SPAG16: variants seen among roughly 807,000 people sequenced by gnomAD.
SPAG16 encodes the protein sperm associated antigen 16.
In SPAG16, 86 loss-of-function variants were observed where a neutral mutation model predicts 80.4. The observed-to-expected ratio is 1.07, with a 90% CI of 0.90 to 1.28. The LOEUF (loss-of-function observed/expected upper bound fraction) is 1.28, where lower values mean the gene tolerates loss of function less well. Ranked by LOEUF, SPAG16 falls within the 50% of genes most tolerant of loss-of-function variation. SPAG16 has a pLI of 0.00. For missense variants in SPAG16, 870 were observed against 765.3 expected (o/e 1.14, Z -1.61); for synonymous variants, 294 against 265.9 (o/e 1.11, Z -1.03).
chr2:213,726,592 A>C (rs1018817265), intron 10 of SPAG16, among the ~76,000 whole-genome samples: 3 of 152,236 alleles, frequency 2.0e-5, no homozygotes, highest in Non-Finnish European at 4.4e-5. Context: ...GCCGGTTTCT[A>C]TCAGAAATGT....
intron 12 of SPAG16, among the ~76,000 whole-genome samples, chr2:213,979,292 A>T (rs1477739323): frequency 6.6e-6 from 1 of 152,064 alleles, no homozygotes; most frequent in Non-Finnish European, 1.5e-5. Flanking sequence ...TATACTTTAT[A>T]ATTCAGGAAT....
In SPAG16 at chr2:213,650,146, G is replaced by GA. The variant is rs1412276927; in HGVS notation, c.1070+160062dup. 1.6e-4 allele frequency among the ~76,000 whole-genome samples: 24 copies of GA among 152,140 alleles called. 1 individual carries two copies. The South Asian group carries it at 3.9e-3, about 25-fold the overall frequency. On this transcript the variant is annotated intron_variant, in intron 10 of 15. Transcript: ENST00000331683. Reference sequence around the variant, plus strand: ...TACTTCTGCCCTCAAAATCCTCTCTGAAAAAATATCTTTTGTAGCCTACCC... The same window carrying GA: ...TACTTCTGCCCTCAAAATCCTCTCTGAAAAAAATATCTTTTGTAGCCTACCC...
At chr2:214,110,146 T>G (rs1461773504) in intron 14 of SPAG16, among the ~76,000 whole-genome samples, 2 of 152,168 alleles carry the variant, frequency 1.3e-5, no homozygotes, top group Non-Finnish European at 2.9e-5. Context: ...AGCTAATTTT[T>G]TTTATTATTA....
chr2:213,578,642 C>T (rs919569767), intron 10 of SPAG16, among the ~76,000 whole-genome samples: 2 of 152,008 alleles, frequency 1.3e-5, no homozygotes, highest in South Asian at 2.1e-4. Context: ...CTCAAGGCAT[C>T]GCTTCTACAC....
intron 10 of SPAG16, among the ~76,000 whole-genome samples, chr2:213,662,782 G>A (rs901330430): frequency 6.6e-6 from 1 of 151,826 alleles, no homozygotes; most frequent in African/African-American, 2.4e-5. Flanking sequence ...AAATATTATA[G>A]TGTCAAAAAA....
At chr2:213,670,038 C>T (rs1035071725) in intron 10 of SPAG16, among the ~76,000 whole-genome samples, 5 of 151,088 alleles carry the variant, frequency 3.3e-5, no homozygotes, top group South Asian at 2.1e-4. Flanking sequence ...CGCTCTGTCA[C>T]GCAGGCTGGA....
At chr2:213,711,867 C>T (rs561062316) in intron 10 of SPAG16, among the ~76,000 whole-genome samples, 1 of 152,152 alleles carries the variant, frequency 6.6e-6, no homozygotes, top group African/African-American at 2.4e-5. Context: ...ACATCTAACA[C>T]TATGTATTCT....
intron 12 of SPAG16, among the ~76,000 whole-genome samples, chr2:213,938,211 C>T (rs1227328496): frequency 6.6e-6 from 1 of 152,040 alleles, no homozygotes; most frequent in South Asian, 2.1e-4. Flanking sequence ...TCCAACTCTG[C>T]ACAAAATAAT....
intron 15 of SPAG16, among the ~76,000 whole-genome samples, chr2:214,214,198 T>TTTTTTTTTG (rs1164264413): frequency 6.6e-6 from 1 of 151,460 alleles, no homozygotes; most frequent in African/African-American, 2.4e-5. Context: ...TTTTTTTTTT[T>TTTTTTTTTG]GAGACAGAGT....
At chr2:213,925,501 A>G (rs2078428569) in intron 11 of SPAG16, among the ~76,000 whole-genome samples, 1 of 151,752 alleles carries the variant, frequency 6.6e-6, no homozygotes, top group Non-Finnish European at 1.5e-5. Context: ...ACATGTGTCC[A>G]CTACCCTATC....
At chr2:214,208,538 C>T (rs186898257) in intron 15 of SPAG16, among the ~76,000 whole-genome samples, 30 of 152,226 alleles carry the variant, frequency 2.0e-4, no homozygotes, top group African/African-American at 7.0e-4. Flanking sequence ...GCCCAGAAAA[C>T]ATATCAGTCA....
chr2:213,743,455 T>C (rs1355872305), intron 10 of SPAG16, among the ~76,000 whole-genome samples: 3 of 152,330 alleles, frequency 2.0e-5, no homozygotes, highest in South Asian at 2.1e-4. Context: ...TTGTGAAGAT[T>C]TGCTGATGTG....
chr2:213,292,671 AAAAACAAAAAAAAC>A lies in SPAG16; in HGVS notation c.137-3388_137-3375del, dbSNP rs1435330598. Among the ~76,000 whole-genome samples the A allele has an allele frequency of 1.2e-4, 16 of 133,102 alleles. 3 individuals are homozygous for A. Among genetic ancestry groups the A allele is most frequent in the African/African-American group, 4.4e-4 (16 of 36,138 alleles). 87.3% of individuals were successfully genotyped at this position (133,102 alleles called of 152,430 possible). On this transcript the variant is annotated intron_variant, in intron 1 of 15. Coordinates refer to ENST00000331683, the MANE Select transcript of SPAG16 (RefSeq NM_024532.5). ...AGAGCGAGACTCCGTCTCAAAAAAA[AAAAACAAAAAAAAC>A]AAAAAAAAACAAAACTATCAGAAAG... is the stretch of plus-strand genomic sequence containing the variant.
At chr2:214,054,468 G>C (rs1208623525) in intron 13 of SPAG16, among the ~76,000 whole-genome samples, 3 of 152,158 alleles carry the variant, frequency 2.0e-5, no homozygotes, top group Admixed American at 1.3e-4. Flanking sequence ...GCAGTAAAGA[G>C]TATAAAAGAG....
intron 10 of SPAG16, among the ~76,000 whole-genome samples, chr2:213,689,817 C>G (rs1156793921): frequency 6.6e-6 from 1 of 152,124 alleles, no homozygotes; most frequent in African/African-American, 2.4e-5. Context: ...CCTCTTTTCT[C>G]TTTAGTGTGC....
intron 15 of SPAG16, among the ~76,000 whole-genome samples, chr2:214,242,709 A>C (rs1689577640): frequency 6.6e-6 from 1 of 152,192 alleles, no homozygotes; most frequent in Non-Finnish European, 1.5e-5. Flanking sequence ...ATAAATGCCC[A>C]CTGTGTAAAA....
At chr2:213,969,324 A>T (rs1209253476) in intron 12 of SPAG16, among the ~76,000 whole-genome samples, 1 of 152,184 alleles carries the variant, frequency 6.6e-6, no homozygotes, top group African/African-American at 2.4e-5. Flanking sequence ...TTTTTGACTT[A>T]ATATCAAATG....
intron 15 of SPAG16, among the ~76,000 whole-genome samples, chr2:214,200,640 T>G (rs915516858): frequency 2.6e-5 from 4 of 152,066 alleles, no homozygotes; most frequent in African/African-American, 9.7e-5. Context: ...ACCACTTCAC[T>G]CCTGCCTGGG....
At chr2:214,260,552 C>T (rs1222465654) in intron 15 of SPAG16, among the ~76,000 whole-genome samples, 1 of 151,686 alleles carries the variant, frequency 6.6e-6, no homozygotes, top group Non-Finnish European at 1.5e-5. Flanking sequence ...TCTATTATTT[C>T]TTTGGTTATT....
Sources: gnomAD v4.1 joint callset for allele counts (sites outside exome capture counted in the v4.1 genomes callset) on GRCh38, gnomAD v4.1.1 for gene constraint, MANE v1.5 for transcripts, NCBI Gene and HGNC (gene_info 2026-07-23, HGNC 2026-07-21) for gene names.